SCML2: variants seen among roughly 807,000 people sequenced by gnomAD.
SCML2 encodes the protein sex comb on midleg-like protein 2.
A neutral mutation model predicts 48.4 loss-of-function variants in SCML2; 6 were observed. The ratio of observed to expected loss-of-function variants is 0.12; its 90% CI spans 0.07 to 0.24. The LOEUF (loss-of-function observed/expected upper bound fraction) is 0.24. SCML2 is among the 10% of genes least tolerant of loss of function. The pLI, the probability that SCML2 is intolerant of heterozygous loss-of-function variation, is 1.00. For synonymous variants in SCML2, 181 were observed against 189.5 expected, an observed-to-expected ratio of 0.95 and a Z score of 0.37; for missense variants, 377 against 528.2, an observed-to-expected ratio of 0.71 and a Z score of 2.81.
chrX:18,254,524 T>C (rs1926771349), intron 11 of SCML2, among the ~76,000 whole-genome samples: 1 of 112,720 alleles, frequency 8.9e-6, no homozygotes, highest in African/African-American at 3.2e-5. Flanking sequence ...AATCTGAAAA[T>C]TCAAACATTT....
intron 1 of SCML2, among the ~76,000 whole-genome samples, chrX:18,348,934 C>CA (rs1018855141): frequency 4.5e-5 from 5 of 110,407 alleles, no homozygotes; most frequent in African/African-American, 1.6e-4. Context: ...AAATGTTAAC[C>CA]AAAAAAAACA....
chrX:18,327,119 C>A (rs1929505058), intron 3 of SCML2, among the ~76,000 whole-genome samples: 1 of 110,482 alleles, frequency 9.1e-6, no homozygotes, highest in African/African-American at 3.3e-5. Context: ...TCCTGTAATC[C>A]CAGCACTTGG....
At chrX:18,291,555 G>T (rs1362886860) in intron 7 of SCML2, among the ~76,000 whole-genome samples, 1 of 111,637 alleles carries the variant, frequency 9.0e-6, no homozygotes, top group Non-Finnish European at 1.9e-5. Flanking sequence ...GTCCTATCAA[G>T]GAGCATTCAT....
At chrX:18,284,830 C>G (rs1927988788) in intron 7 of SCML2, among the ~76,000 whole-genome samples, 1 of 111,984 alleles carries the variant, frequency 8.9e-6, no homozygotes, top group African/African-American at 3.2e-5. Context: ...CACCTGAGGT[C>G]AGGAGTTCAA....
intron 1 of SCML2, among the ~76,000 whole-genome samples, chrX:18,354,136 G>T (rs1030118805): frequency 8.9e-6 from 1 of 112,630 alleles, no homozygotes; most frequent in African/African-American, 3.2e-5. Flanking sequence ...CTTCCGGGCC[G>T]ACGTTTCCCT....
At chrX:18,330,002 C>T (rs1376626647) in intron 3 of SCML2, among the ~76,000 whole-genome samples, 1 of 111,973 alleles carries the variant, frequency 8.9e-6, no homozygotes, top group African/African-American at 3.2e-5. Context: ...CGCTTGAACC[C>T]GGAAGGTGGA....
chrX:18,322,053 C>A (rs1368162594), intron 5 of SCML2, among the ~76,000 whole-genome samples: 1 of 111,549 alleles, frequency 9.0e-6, no homozygotes, highest in Non-Finnish European at 1.9e-5. Flanking sequence ...ATGACCTGTA[C>A]ACCTTTCAGT....
chrX:18,252,396 C>T (rs1433706950), intron 11 of SCML2, among the ~76,000 whole-genome samples: 9 of 112,306 alleles, frequency 8.0e-5, no homozygotes, highest in Non-Finnish European at 5.6e-5. Flanking sequence ...TCTATAAAGA[C>T]AGAAGAAAGT....
intron 5 of SCML2, among the ~76,000 whole-genome samples, chrX:18,321,758 T>C (rs1203747267): frequency 9.0e-6 from 1 of 111,188 alleles, no homozygotes; most frequent in African/African-American, 3.3e-5. Context: ...TCCTATTCCA[T>C]CATGTGCCCA....
At chrX:18,256,001 C>G (rs1736065219) in intron 11 of SCML2, among the ~76,000 whole-genome samples, 1 of 112,233 alleles carries the variant, frequency 8.9e-6, no homozygotes, top group Admixed American at 9.4e-5. Flanking sequence ...ACAAACAGCA[C>G]TTGCATAAAA....
intron 7 of SCML2, 84 bp from the exon 8 acceptor site, chrX:18,265,886 G>A (rs1927243790): frequency 4.6e-6 from 3 of 658,191 alleles, no homozygotes; most frequent in Non-Finnish European, 6.7e-6. Flanking sequence ...AGTTTTACTC[G>A]ACCTTTAAAA....
chrX:18,256,747 C>T, intron 11 of SCML2, 101 bp downstream of exon 11: 1 of 640,216 alleles, frequency 1.6e-6, no homozygotes, highest in East Asian at 3.7e-5. Context: ...CTAATTAGTT[C>T]ACTGTGGCTA....
chrX:18,265,031 T>G (rs1257730975), intron 8 of SCML2, among the ~76,000 whole-genome samples: 1 of 112,125 alleles, frequency 8.9e-6, no homozygotes, highest in Non-Finnish European at 1.9e-5. Flanking sequence ...GTACACAAAG[T>G]GTACTTGACC....
intron 2 of SCML2, among the ~76,000 whole-genome samples, chrX:18,330,985 C>T (rs187291687): frequency 6.1e-4 from 67 of 110,708 alleles, no homozygotes; most frequent in African/African-American, 2.1e-3. Flanking sequence ...TCAGGCCAGG[C>T]GTGGTGGCTC....
intron 8 of SCML2, 52 bp downstream of exon 8, chrX:18,265,533 A>C: frequency 4.3e-6 from 4 of 939,327 alleles, no homozygotes; most frequent in Non-Finnish European, 6.0e-6. Flanking sequence ...TGTTATAAAT[A>C]ATAAGGCACT....
chrX:18,323,237 C>G (rs1001651738), intron 5 of SCML2, among the ~76,000 whole-genome samples: 1 of 111,719 alleles, frequency 9.0e-6, no homozygotes, highest in Non-Finnish European at 1.9e-5. Context: ...AAAAATGTTG[C>G]CCCAAATTAG....
intron 7 of SCML2, among the ~76,000 whole-genome samples, chrX:18,287,376 C>G (rs1288525911): frequency 9.0e-6 from 1 of 111,437 alleles, no homozygotes; most frequent in East Asian, 2.8e-4. Context: ...CCTCCTCCCC[C>G]ACTTCAAAAC....
intron 1 of SCML2, among the ~76,000 whole-genome samples, chrX:18,353,153 CACAA>C (rs1930428385): frequency 2.0e-5 from 2 of 101,762 alleles, no homozygotes; most frequent in South Asian, 4.2e-4. Flanking sequence ...AAAAAAAACA[CACAA>C]ACAGCCTGAA....
chrX:18,313,006 T>TGTGC (rs1555918174), intron 6 of SCML2, among the ~76,000 whole-genome samples: 10 of 95,554 alleles, frequency 1.0e-4, no homozygotes, highest in Non-Finnish European at 1.4e-4. Context: ...TGTGTGTGTG[T>TGTGC]GCGCGTGTGT....
Sources: allele counts gnomAD v4.1 joint callset (sites outside exome capture counted in the v4.1 genomes callset), GRCh38; gene constraint gnomAD v4.1.1; transcripts MANE v1.5; gene names NCBI Gene and HGNC (gene_info 2026-07-23, HGNC 2026-07-21).